PPM1H: variants seen among roughly 807,000 people sequenced by gnomAD.
PPM1H encodes protein phosphatase 1H.
In PPM1H, 27 loss-of-function variants were observed where a neutral mutation model predicts 54.9. The observed-to-expected ratio is 0.49, with a 90% CI of 0.36 to 0.68. The LOEUF is 0.68. PPM1H is among the 30% of genes least tolerant of loss of function. PPM1H has a pLI of 0.00. For synonymous variants in PPM1H, 305 were observed against 270.8 expected (o/e 1.13, Z -1.24); for missense variants, 596 against 667.8 (o/e 0.89, Z 1.19).
At chr12:62,849,758 G>C (rs1189555557) in intron 1 of PPM1H, among the ~76,000 whole-genome samples, 1 of 152,166 alleles carries the variant, frequency 6.6e-6, no homozygotes, top group African/African-American at 2.4e-5. Context: ...GTCTGAGATG[G>C]AATGCATTCG....
chr12:62,879,593 C>A (rs1357779128), intron 1 of PPM1H, among the ~76,000 whole-genome samples: 2 of 152,002 alleles, frequency 1.3e-5, no homozygotes, highest in African/African-American at 4.8e-5. Context: ...AGGGGAACAT[C>A]CCACACTGGG....
intron 9 of PPM1H, among the ~76,000 whole-genome samples, chr12:62,649,898 A>G (rs1377276928): frequency 1.3e-5 from 2 of 152,254 alleles, no homozygotes; most frequent in African/African-American, 4.8e-5. Flanking sequence ...CTGAAAAGCT[A>G]AGAGCCAGAC....
chr12:62,686,943 C>T (rs112559083), intron 8 of PPM1H, among the ~76,000 whole-genome samples: 88 of 152,256 alleles, frequency 5.8e-4, no homozygotes, highest in African/African-American at 1.9e-3. Context: ...TGTTTGTGCC[C>T]ATAAAGGGTA....
rs1224185168 is a variant in PPM1H, at chr12:62,645,461, C to T, written c.*3028G>A. The T allele has an allele frequency of 1.3e-5, 2 of 152,296 alleles. No homozygotes were observed. The highest frequency in any genetic ancestry group is 2.9e-5 in the Non-Finnish European group (2 of 68,102). The allele number at this position is 152,296 out of a possible 1,614,324, so 9.4% of individuals were successfully genotyped here. On this transcript the variant is annotated 3_prime_UTR_variant, in exon 10 of 10. Coordinates refer to ENST00000228705, the MANE Select transcript of PPM1H (RefSeq NM_020700.2). ...TGAGTACTTGGCCTGGCCCGATTTT[C>T]ACCTTTCCTTTTACACCTCAAGAAC... is the stretch of plus-strand genomic sequence containing the variant.
At chr12:62,875,831 A>G (rs551519053) in intron 1 of PPM1H, among the ~76,000 whole-genome samples, 1 of 152,348 alleles carries the variant, frequency 6.6e-6, no homozygotes, top group African/African-American at 2.4e-5. Context: ...GTGAAATTTA[A>G]GGAAGGAATT....
At chr12:62,683,884 A>AG (rs2136631106) in intron 8 of PPM1H, among the ~76,000 whole-genome samples, 1 of 152,328 alleles carries the variant, frequency 6.6e-6, no homozygotes, top group African/African-American at 2.4e-5. Flanking sequence ...GGTGTGGCAC[A>AG]GAGAACATCT....
intron 6 of PPM1H, among the ~76,000 whole-genome samples, chr12:62,697,329 G>A (rs2076120376): frequency 1.3e-5 from 2 of 152,002 alleles, no homozygotes; most frequent in South Asian, 4.2e-4. Context: ...TGTTGACCAG[G>A]CTGGTCCTGA....
At chr12:62,724,587 C>G (rs422243) in intron 5 of PPM1H, among the ~76,000 whole-genome samples, 2 of 152,176 alleles carry the variant, frequency 1.3e-5, no homozygotes, top group Non-Finnish European at 2.9e-5. Flanking sequence ...TTGTGTCACT[C>G]TGAGGCGCCT....
intron 8 of PPM1H, among the ~76,000 whole-genome samples, chr12:62,673,573 CTT>C (rs993676180): frequency 2.0e-5 from 3 of 152,060 alleles, no homozygotes; most frequent in Non-Finnish European, 2.9e-5. Context: ...TGGTTTTTCC[CTT>C]TTAAGTACTC....
intron 4 of PPM1H, among the ~76,000 whole-genome samples, chr12:62,777,432 C>G (rs1201988740): frequency 2.0e-5 from 3 of 152,190 alleles, no homozygotes; most frequent in African/African-American, 7.2e-5. Flanking sequence ...CCAGCAGATG[C>G]CTGGCTCATG....
rs544505437 is a variant in PPM1H, at chr12:62,802,814, C to T, written c.412-654G>A. On this transcript the variant is annotated intron_variant, in intron 2 of 9. Transcript: ENST00000228705. ...GCCCAGGCTGGTCTCAAACTCCTGG[C>T]CTCAAGTGATCCACCCACCTTGGCC... Among the ~76,000 whole-genome samples, 3 of 152,184 alleles carry T rather than the reference C, an allele frequency of 2.0e-5. No individual in the cohort carries two copies. The East Asian group carries it at 5.8e-4, about 30-fold the overall frequency.
intron 5 of PPM1H, among the ~76,000 whole-genome samples, chr12:62,735,380 T>G (rs993625996): frequency 6.6e-6 from 1 of 151,610 alleles, no homozygotes; most frequent in Non-Finnish European, 1.5e-5. Context: ...CCTGGCTAAT[T>G]TTTTTTTGGA....
At chr12:62,854,726 A>G (rs1386449834) in intron 1 of PPM1H, among the ~76,000 whole-genome samples, 4 of 152,096 alleles carry the variant, frequency 2.6e-5, no homozygotes, top group African/African-American at 4.8e-5. Flanking sequence ...TTTAACAGAC[A>G]TTGAGAGAAT....
At chr12:62,803,969 C>T (rs1292504266) in intron 2 of PPM1H, among the ~76,000 whole-genome samples, 1 of 152,106 alleles carries the variant, frequency 6.6e-6, no homozygotes, top group African/African-American at 2.4e-5. Context: ...AGATGCTCAC[C>T]ATCGATACCT....
chr12:62,757,821 A>G (rs1362104808), intron 4 of PPM1H, among the ~76,000 whole-genome samples: 1 of 152,202 alleles, frequency 6.6e-6, no homozygotes, highest in African/African-American at 2.4e-5. Context: ...CACACACTCC[A>G]CAGAACAAGA....
chr12:62,847,411 C>T (rs962783032), intron 1 of PPM1H, among the ~76,000 whole-genome samples: 8 of 152,102 alleles, frequency 5.3e-5, no homozygotes, highest in East Asian at 1.9e-4. Flanking sequence ...CTGCAAGGGC[C>T]GTGAAGGTAG....
chr12:62,672,095 G>A (rs1592535040), intron 8 of PPM1H, among the ~76,000 whole-genome samples: 2 of 152,120 alleles, frequency 1.3e-5, no homozygotes, highest in Middle Eastern at 3.4e-3. Flanking sequence ...ATGAATAATC[G>A]TCGAAACTGA....
chr12:62,878,433 G>A (rs1288740446), intron 1 of PPM1H, among the ~76,000 whole-genome samples: 2 of 151,872 alleles, frequency 1.3e-5, no homozygotes, highest in South Asian at 4.2e-4. Context: ...AGAACAGCTG[G>A]TTTCAATTTG....
intron 1 of PPM1H, among the ~76,000 whole-genome samples, chr12:62,863,729 G>GA (rs1289563431): frequency 1.3e-5 from 2 of 152,062 alleles, no homozygotes; most frequent in East Asian, 1.9e-4. Flanking sequence ...TGAATTTCAG[G>GA]AAAAAAGTGG....
Sources: gnomAD v4.1 joint callset for allele counts (sites outside exome capture counted in the v4.1 genomes callset) on GRCh38, gnomAD v4.1.1 for gene constraint, MANE v1.5 for transcripts, NCBI Gene and HGNC (gene_info 2026-07-23, HGNC 2026-07-21) for gene names.